The following NCOR1 variants were observed in gnomAD, a reference collection of about 807,000 sequenced individuals.
NCOR1 encodes nuclear receptor corepressor 1, also known as protein phosphatase 1, regulatory subunit 109.
NCOR1 carries 63 observed loss-of-function variants against 288.1 expected under a neutral mutation model. The observed-to-expected ratio is 0.22, with a 90% CI of 0.18 to 0.27. The LOEUF (loss-of-function observed/expected upper bound fraction) is 0.27, where lower values mean the gene tolerates loss of function less well. NCOR1 is among the 10% of genes least tolerant of loss of function. NCOR1 has a pLI of 1.00. For missense variants in NCOR1, 2,397 were observed against 3,019.2 expected, an observed-to-expected ratio of 0.79 and a Z score of 4.83; for synonymous variants, 1,007 against 1,065.9, an observed-to-expected ratio of 0.94 and a Z score of 1.08.
At chr17:16,095,236 GA>G (rs1291256610) in intron 21 of NCOR1, among the ~76,000 whole-genome samples, 1 of 148,874 alleles carries the variant, frequency 6.7e-6, no homozygotes, top group Non-Finnish European at 1.5e-5. Flanking sequence ...GGGATGTGAG[GA>G]GCACCTCGGC....
At chr17:16,166,540 C>A (rs368868569) in intron 4 of NCOR1, among the ~76,000 whole-genome samples, 3 of 151,868 alleles carry the variant, frequency 2.0e-5, no homozygotes, top group African/African-American at 4.8e-5. Flanking sequence ...ATTAGCTGGG[C>A]GTGGTGGCGG....
At chr17:16,147,437 TG>T (rs1174572165) in intron 9 of NCOR1, among the ~76,000 whole-genome samples, 1 of 152,054 alleles carries the variant, frequency 6.6e-6, no homozygotes, top group African/African-American at 2.4e-5. Context: ...GTGAACTACG[TG>T]AAATTGAGAA....
chr17:16,195,761 G>C (rs959039269), intron 1 of NCOR1, among the ~76,000 whole-genome samples: 1 of 152,058 alleles, frequency 6.6e-6, no homozygotes, highest in African/African-American at 2.4e-5. Context: ...TTCTGGATGA[G>C]AACACATAAA....
intron 23 of NCOR1, among the ~76,000 whole-genome samples, chr17:16,084,879 C>T (rs2063968962): frequency 6.6e-6 from 1 of 152,128 alleles, no homozygotes. Context: ...AGGCGAATAT[C>T]TCACAACCTT....
chr17:16,040,400 T>C, intron 43 of NCOR1, 41 bp downstream of exon 43: 1 of 1,582,158 alleles, frequency 6.3e-7, no homozygotes, highest in Non-Finnish European at 8.7e-7. Flanking sequence ...ACTACTGCTG[T>C]GCCAATTTTG....
chr17:16,046,549 T>C (rs908623306), intron 42 of NCOR1, among the ~76,000 whole-genome samples: 16 of 152,134 alleles, frequency 1.1e-4, no homozygotes, highest in African/African-American at 3.6e-4. Flanking sequence ...CTGATGAAAC[T>C]GGGGACACTG....
intron 10 of NCOR1, among the ~76,000 whole-genome samples, chr17:16,145,597 G>C (rs1004254403): frequency 6.6e-5 from 10 of 151,044 alleles, no homozygotes; most frequent in African/African-American, 2.4e-4. Context: ...TGCCCAGTCT[G>C]AGACGTGAGG....
intron 21 of NCOR1, among the ~76,000 whole-genome samples, chr17:16,095,216 C>A (rs1036257064): frequency 4.0e-5 from 6 of 151,296 alleles, no homozygotes; most frequent in African/African-American, 1.5e-4. Context: ...TCTACCCCGC[C>A]GCCCCGTCTG....
intron 40 of NCOR1, among the ~76,000 whole-genome samples, chr17:16,049,658 C>A (rs964210404): frequency 1.3e-5 from 2 of 151,574 alleles, no homozygotes; most frequent in African/African-American, 4.9e-5. Context: ...CAGCTCACTG[C>A]AACCTCTGCC....
intron 24 of NCOR1, 38 bp from the exon 25 acceptor site, chr17:16,080,547 T>C: frequency 1.2e-6 from 2 of 1,614,066 alleles, no homozygotes; most frequent in South Asian, 1.1e-5. Context: ...AATCCAGTAC[T>C]AAATTACTGG....
chr17:16,043,513 T>C (rs879778145), intron 42 of NCOR1, among the ~76,000 whole-genome samples: 2 of 152,244 alleles, frequency 1.3e-5, no homozygotes, highest in East Asian at 1.9e-4. Flanking sequence ...CTTCAGAGAA[T>C]AGAGACCATG....
chr17:16,165,374 A>G (rs2081830453), intron 4 of NCOR1, among the ~76,000 whole-genome samples: 1 of 152,200 alleles, frequency 6.6e-6, no homozygotes, highest in Non-Finnish European at 1.5e-5. Flanking sequence ...AAGACCCTAA[A>G]AGCTATACAA....
At chr17:16,097,264 G>A (rs1275470601) in intron 21 of NCOR1, among the ~76,000 whole-genome samples, 1 of 152,196 alleles carries the variant, frequency 6.6e-6, no homozygotes, top group Non-Finnish European at 1.5e-5. Flanking sequence ...TGGGGATTGG[G>A]GTAGGATGTC....
In NCOR1 at chr17:16,193,944, T is replaced by G. The variant is rs73978806; in HGVS notation, c.108+518A>C. Among the ~76,000 whole-genome samples, 1,001 of 151,614 alleles carry G rather than the reference T, an allele frequency of 6.6e-3. 16 individuals are homozygous for G. Among genetic ancestry groups the G allele is most frequent in the East Asian group, 0.045 (231 of 5,136 alleles). On this transcript the variant is annotated intron_variant, in intron 2 of 45. Transcript: ENST00000268712. ...CACCCATAACCTTGGTCTACTCTGA[T>G]ATGATTATTTCACCTCATACTTTAT... is the stretch of plus-strand genomic sequence containing the variant.
At position 16,193,646 on chromosome 17, in the gene NCOR1, A is replaced by G. The variant is rs988970879; in HGVS notation, c.108+816T>C. Among the ~76,000 whole-genome samples the G allele has an allele frequency of 3.5e-4, 53 of 152,174 alleles. 1 individual carries two copies. Among genetic ancestry groups the G allele is most frequent in the Non-Finnish European group, 6.9e-4 (47 of 68,030 alleles). ...AATTCAACACCCAATCATGACAGAA[A>G]TTCTCAAACTAGGAACAGAAAGCAA... On this transcript the variant is annotated intron_variant, in intron 2 of 45. Transcript: ENST00000268712.
intron 42 of NCOR1, chr17:16,040,764 G>A (rs1011657759): frequency 1.3e-5 from 6 of 447,118 alleles, no homozygotes; most frequent in African/African-American, 1.2e-4. Context: ...GTGCAGTGGT[G>A]CACTCCTAGT....
At chr17:16,196,941 C>T (rs1403616616) in intron 1 of NCOR1, among the ~76,000 whole-genome samples, 2 of 152,086 alleles carry the variant, frequency 1.3e-5, no homozygotes, top group African/African-American at 4.8e-5. Context: ...CACTTGAGCC[C>T]AGGAGGTCAA....
At chr17:16,211,225 C>T (rs1331593024) in intron 1 of NCOR1, among the ~76,000 whole-genome samples, 1 of 151,834 alleles carries the variant, frequency 6.6e-6, no homozygotes, top group Non-Finnish European at 1.5e-5. Flanking sequence ...TCTGACTCTA[C>T]ATTCTATAAA....
chr17:16,091,833 G>C, intron 22 of NCOR1, 30 bp downstream of exon 22: 1 of 1,613,210 alleles, frequency 6.2e-7, no homozygotes. Context: ...CTTCATAAAA[G>C]TTCTCTTGGT....
Sources: gnomAD v4.1 joint callset for allele counts (sites outside exome capture counted in the v4.1 genomes callset) on GRCh38, gnomAD v4.1.1 for gene constraint, MANE v1.5 for transcripts, NCBI Gene and HGNC (gene_info 2026-07-23, HGNC 2026-07-21) for gene names.